Variants in UTP20 observed in about 807,000 individuals in gnomAD.
UTP20 encodes small subunit processome component 20 homolog.
In UTP20, 164 loss-of-function variants were observed where a neutral mutation model predicts 329.5. The observed-to-expected ratio is 0.50, with a 90% CI of 0.44 to 0.57. UTP20 has a LOEUF of 0.57. UTP20 is among the 20% of genes least tolerant of loss of function. The pLI is 0.00. For synonymous variants in UTP20, 1,151 were observed against 1,159.3 expected (o/e 0.99, Z 0.14); for missense variants, 3,055 against 3,284.2 (o/e 0.93, Z 1.71).
rs566417351 is a variant in UTP20, at chr12:101,334,985, GA to G, written c.3641+482del. 2.6e-3 allele frequency among the ~76,000 whole-genome samples: 393 copies of G among 151,030 alleles called. 2 individuals carry two copies. Among genetic ancestry groups the G allele is most frequent in the African/African-American group, 9.2e-3 (380 of 41,238 alleles). ...GACCCTGTCTCAAAAAAAAAAAAAAGATAAAAAGATAAATTGCTAGACAGTA... is the reference window on the plus strand; with the variant it reads ...GACCCTGTCTCAAAAAAAAAAAAAAGTAAAAAGATAAATTGCTAGACAGTA... On this transcript the variant is annotated intron_variant, in intron 29 of 61. Coordinates refer to ENST00000261637, the MANE Select transcript of UTP20 (RefSeq NM_014503.3).
chr12:101,281,451 T>C (rs922847309), intron 2 of UTP20, among the ~76,000 whole-genome samples: 3 of 152,224 alleles, frequency 2.0e-5, no homozygotes, highest in Admixed American at 6.5e-5. Flanking sequence ...CAGAAAGTTC[T>C]GTTGGGTGAA....
intron 27 of UTP20, among the ~76,000 whole-genome samples, chr12:101,332,883 A>G (rs532830901): frequency 6.6e-6 from 1 of 152,352 alleles, no homozygotes; most frequent in East Asian, 1.9e-4. Context: ...TTTGAAATGA[A>G]GATTTAATTT....
At position 101,363,733 on chromosome 12, in the gene UTP20, C is replaced by T; in HGVS notation, c.5948C>T (p.Pro1983Leu). 2.5e-6 allele frequency: 4 copies of T among 1,601,406 alleles called. No homozygotes were observed. The highest frequency in any genetic ancestry group is 3.4e-6 in the Non-Finnish European group (4 of 1,168,608). Residue 1983 changes from proline to leucine, a missense_variant, in exon 45 of 62, where the codon CCA becomes CTA. Physicochemically the swap from Pro to Leu is moderately conservative, Grantham distance 98. Transcript: ENST00000261637. ...GATCAGGTTACAAAACTCATCCTTC[C>T]ATTAAAAGAGGTAAGGACGTAAATG... is the stretch of plus-strand genomic sequence containing the variant. ...GKDQVTKLILPLKEILQNTTS... is the reference protein window; with the variant it reads ...GKDQVTKLILLLKEILQNTTS...
At position 101,290,390 on chromosome 12, in the gene UTP20, G is replaced by A. The variant is rs1872101074; in HGVS notation, c.735+116G>A. 3.2e-6 allele frequency: 4 copies of A among 1,245,166 alleles called. No homozygotes were observed. The East Asian group carries it at 1.0e-4, about 31-fold the overall frequency. 77.1% of individuals were successfully genotyped at this position (1,245,166 alleles called of 1,614,324 possible). On this transcript the variant is annotated intron_variant, in intron 7 of 61. Coordinates refer to ENST00000261637, the MANE Select transcript of UTP20 (RefSeq NM_014503.3). ...GCCTAGAGTACATAGCACTAGATGAGGAGTGTTGGGTGTTCAGTAACAATG... is the reference window on the plus strand; with the variant it reads ...GCCTAGAGTACATAGCACTAGATGAAGAGTGTTGGGTGTTCAGTAACAATG...
chr12:101,319,401 A>G, intron 22 of UTP20, 144 bp from the exon 23 acceptor site: 1 of 589,878 alleles, frequency 1.7e-6, no homozygotes, highest in Non-Finnish European at 2.8e-6. Context: ...TCCTAAATGT[A>G]AATAACTAAG....
intron 38 of UTP20, 107 bp from the exon 39 acceptor site, chr12:101,351,948 C>T (rs953828712): frequency 2.4e-5 from 32 of 1,328,970 alleles, no homozygotes; most frequent in Non-Finnish European, 3.3e-5. Flanking sequence ...CATTCTTTCT[C>T]TTCTGTAATT....
intron 38 of UTP20, among the ~76,000 whole-genome samples, chr12:101,350,908 C>T (rs1262558071): frequency 6.6e-6 from 1 of 152,116 alleles, no homozygotes; most frequent in African/African-American, 2.4e-5. Context: ...TGGTGCTGTG[C>T]CCCGTGGACT....
In UTP20 at chr12:101,334,476, C is replaced by T. The variant is rs1199134339; in HGVS notation, c.3613C>T (p.Leu1205=). The change falls in exon 29 of 62, where the codon CTG becomes TTG. Residue 1205 remains leucine (L), a synonymous_variant. Coordinates refer to ENST00000261637, the MANE Select transcript of UTP20 (RefSeq NM_014503.3). ...SQYSPTPLLK[L]ISIWSRNARY... ...ATATTCTCCTACTCCTCTGCTGAAACTGATCAGTATCTGGAGCAGAAACGC... is the reference window on the plus strand; with the variant it reads ...ATATTCTCCTACTCCTCTGCTGAAATTGATCAGTATCTGGAGCAGAAACGC... 1 of 1,612,092 alleles carries T rather than the reference C, an allele frequency of 6.2e-7. No individual in the cohort carries two copies. The highest frequency in any genetic ancestry group is 8.5e-7 in the Non-Finnish European group (1 of 1,179,872).
chr12:101,307,255 C>T (rs547522315), intron 17 of UTP20, among the ~76,000 whole-genome samples: 2 of 149,474 alleles, frequency 1.3e-5, no homozygotes, highest in African/African-American at 2.5e-5. Flanking sequence ...CACTGAAAAT[C>T]CACCATTAAT....
chr12:101,379,241 T>C lies in UTP20; in HGVS notation c.7397-130T>C, dbSNP rs921104509. The C allele has an allele frequency of 2.0e-5, 15 of 737,632 alleles. No individual in the cohort carries two copies. The African/African-American group carries it at 2.5e-4, about 12-fold the overall frequency. 45.7% of individuals were successfully genotyped at this position (737,632 alleles called of 1,614,324 possible). A position where few individuals can be genotyped will look rare whatever the true frequency, so the allele number is the denominator to read the frequency against. ...ATCCCCTGCCCCCACTTCCCAGCCA[T>C]TGGCTTATTTTGTTCATCTTTGGTT... On this transcript the variant is annotated intron_variant, in intron 56 of 61. Coordinates refer to ENST00000261637, the MANE Select transcript of UTP20 (RefSeq NM_014503.3).
chr12:101,343,311 T>C (rs1018252333), intron 35 of UTP20, among the ~76,000 whole-genome samples: 1 of 152,060 alleles, frequency 6.6e-6, no homozygotes, highest in African/African-American at 2.4e-5. Flanking sequence ...ATGAAAGCAT[T>C]TTGAAAAAAA....
In UTP20 at chr12:101,361,949, T is replaced by C. The variant is rs774758204; in HGVS notation, c.5692-13T>C. On this transcript the variant is annotated splice_polypyrimidine_tract_variant and intron_variant, in intron 43 of 61. Transcript: ENST00000261637. The stretch of plus-strand genomic sequence containing the variant: ...TGTTAATATTCATGTTGTTGCTGTG[T>C]GTCTCATGTTAGGTCCATGTGCTGA... 1 of 1,602,726 alleles carries C rather than the reference T, an allele frequency of 6.2e-7. No individual in the cohort carries two copies. Among genetic ancestry groups the C allele is most frequent in the East Asian group, 2.2e-5 (1 of 44,786 alleles).
intron 56 of UTP20, 67 bp from the exon 57 acceptor site, chr12:101,379,304 C>T: frequency 7.2e-7 from 1 of 1,393,356 alleles, no homozygotes; most frequent in Non-Finnish European, 9.7e-7. Context: ...AAATGCTTAA[C>T]TTAGTCATAT....
At chr12:101,324,516 C>G (rs113504759) in intron 25 of UTP20, among the ~76,000 whole-genome samples, 4 of 152,158 alleles carry the variant, frequency 2.6e-5, no homozygotes, top group Non-Finnish European at 1.5e-5. Context: ...GCTGTCCCCC[C>G]ACCTTGGCTT....
intron 13 of UTP20, 31 bp downstream of exon 13, chr12:101,299,868 A>G: frequency 6.2e-7 from 1 of 1,600,742 alleles, no homozygotes; most frequent in Non-Finnish European, 8.5e-7. Flanking sequence ...TAATTTTGAA[A>G]GAGATAACAT....
chr12:101,329,369 A>G lies in UTP20; in HGVS notation c.3337A>G (p.Ser1113Gly). ...ATTGAAAAACATTAGTCATCTGATC[A>G]GCGCATACCTGCCGAAGATTTTGCA... ...IVLKNISHLI[S>G]AYLPKILQIL... Residue 1113 changes from serine to glycine, a missense_variant, in exon 27 of 62, where the codon AGC (serine) becomes GGC (glycine). By Grantham distance (56) the Ser-to-Gly change is moderately conservative. Around this residue, in one of 3 missense-constraint regions of UTP20, gnomAD observed 2,445 missense variants for 2,575.5 expected, o/e 0.95. Transcript: ENST00000261637. The G allele has an allele frequency of 5.6e-6, 9 of 1,614,164 alleles. No homozygotes were observed. Among genetic ancestry groups the G allele is most frequent in the Non-Finnish European group, 7.6e-6 (9 of 1,180,020 alleles).
At chr12:101,383,500 A>G (rs760941144) in intron 59 of UTP20, 43 bp from the exon 60 acceptor site, 1 of 1,599,454 alleles carries the variant, frequency 6.3e-7, no homozygotes, top group Non-Finnish European at 8.5e-7. Flanking sequence ...ATTGAGTGCT[A>G]AAGAGAAGTC....
At chr12:101,369,565 CT>C (rs1246899385) in intron 48 of UTP20, among the ~76,000 whole-genome samples, 155 bp from the exon 49 acceptor site, 1 of 152,188 alleles carries the variant, frequency 6.6e-6, no homozygotes, top group Non-Finnish European at 1.5e-5. Context: ...ATGTCTTTAT[CT>C]TCTTACATTT....
At chr12:101,306,665 T>C (rs1382631498) in intron 16 of UTP20, 34 bp from the exon 17 acceptor site, 1 of 1,578,160 alleles carries the variant, frequency 6.3e-7, no homozygotes, top group African/African-American at 1.4e-5. Context: ...TGGTTAAACT[T>C]TGGAATTTGA....
Sources: gnomAD v4.1 joint callset for allele counts (sites outside exome capture counted in the v4.1 genomes callset) on GRCh38, gnomAD v4.1.1 for gene constraint, gnomAD v4.1.1 regional missense constraint, MANE v1.5 for transcripts, NCBI Gene and HGNC (gene_info 2026-07-23, HGNC 2026-07-21) for gene names.